The following PPP2R2C variants were observed in gnomAD, a reference collection of about 807,000 sequenced individuals.
PPP2R2C encodes the protein protein phosphatase 2 regulatory subunit Bgamma, also known as protein phosphatase 2, regulatory subunit B, gamma.
PPP2R2C carries 10 observed loss-of-function variants against 45.3 expected under a neutral mutation model. The observed-to-expected ratio is 0.22, with a 90% CI of 0.14 to 0.37. The LOEUF (loss-of-function observed/expected upper bound fraction) is 0.37, where lower values mean the gene tolerates loss of function less well. Among genes scored for constraint, PPP2R2C ranks in the 10% least tolerant of loss-of-function variants. PPP2R2C has a pLI of 1.00. For missense variants in PPP2R2C, 308 were observed against 619.7 expected (o/e 0.50, Z 5.34); for synonymous variants, 257 against 245.4 (o/e 1.05, Z -0.44).
At chr4:6,397,465 G>A (rs919670083) in intron 1 of PPP2R2C, among the ~76,000 whole-genome samples, 1 of 152,184 alleles carries the variant, frequency 6.6e-6, no homozygotes. Flanking sequence ...GAACAGAGGC[G>A]GCCCTGGGGG....
chr4:6,470,884 GC>G (rs1051329751), intron 1 of PPP2R2C, among the ~76,000 whole-genome samples: 1 of 151,802 alleles, frequency 6.6e-6, no homozygotes, highest in African/African-American at 2.4e-5. Context: ...AGCGGGCGCG[GC>G]CCCCGCAGCC....
chr4:6,332,179 C>T lies in PPP2R2C; in HGVS notation c.960+1383G>A, dbSNP rs149957038. Among the ~76,000 whole-genome samples the T allele has an allele frequency of 6.6e-6, 1 of 152,134 alleles. No individual in the cohort carries two copies. Among genetic ancestry groups the T allele is most frequent in the Non-Finnish European group, 1.5e-5 (1 of 68,022 alleles). ...TGACCTCAGGGATGGAGGTAAGTGA[C>T]CGGACAAGGGGCCGGAGGGGGTTGG... is the stretch of plus-strand genomic sequence containing the variant. On this transcript the variant is annotated intron_variant, in intron 7 of 8. Coordinates refer to ENST00000382599, the MANE Select transcript of PPP2R2C (RefSeq NM_020416.4). This position sits in a 1 kb window ranked among gnomAD's most constrained non-coding sequence, Gnocchi z 4.9.
chr4:6,329,394 G>T lies in PPP2R2C; in HGVS notation c.961-41C>A. The T allele has an allele frequency of 6.5e-7, 1 of 1,542,130 alleles. No individual in the cohort carries two copies. Among genetic ancestry groups the T allele is most frequent in the South Asian group, 1.1e-5 (1 of 89,040 alleles). On this transcript the variant is annotated intron_variant, in intron 7 of 8. Transcript: ENST00000382599. The surrounding 1 kb of genome is among the most constrained non-coding windows in gnomAD (Gnocchi z 5.8). ...ATGAGGTGAGTGGACGGGGCGTCCCGACCATCCTGGCCCTTCCACAAGAAG... is the reference window on the plus strand; with the variant it reads ...ATGAGGTGAGTGGACGGGGCGTCCCTACCATCCTGGCCCTTCCACAAGAAG...
In PPP2R2C at chr4:6,520,324, G is replaced by A. The variant is rs574456856; in HGVS notation, c.49+14947C>T. 7.2e-5 allele frequency among the ~76,000 whole-genome samples: 11 copies of A among 152,254 alleles called. No homozygotes were observed. In the South Asian group the frequency reaches 1.2e-3, roughly 17 times the overall value. On this transcript the variant is annotated intron_variant, in intron 2 of 9. Transcript: ENST00000506140. ...TCCTCTGTCAACAGCCAACATTACC[G>A]CAGGGGGTAGCATGGTCTATACCCA...
At chr4:6,387,807 GAAA>G (rs10623195) in intron 1 of PPP2R2C, among the ~76,000 whole-genome samples, 1 of 143,466 alleles carries the variant, frequency 7.0e-6, no homozygotes. Flanking sequence ...CAACAGTGAA[GAAA>G]AAAAAAAAAG....
rs909999322 is a variant in PPP2R2C at position 6,332,942 on chromosome 4, A to G, written c.960+620T>C. The stretch of plus-strand genomic sequence containing the variant: ...CCTAACTGGAACCAGCTTTGAAGCC[A>G]TCCCACATTTCTTTCAAGTCCACAT... On this transcript the variant is annotated intron_variant, in intron 7 of 8. Coordinates refer to ENST00000382599, the MANE Select transcript of PPP2R2C (RefSeq NM_020416.4). The surrounding 1 kb of genome is among the most constrained non-coding windows in gnomAD (Gnocchi z 4.9). Among the ~76,000 whole-genome samples, 1 of 152,188 alleles carries G rather than the reference A, an allele frequency of 6.6e-6. No homozygotes were observed. Among genetic ancestry groups the G allele is most frequent in the Admixed American group, 6.5e-5 (1 of 15,280 alleles).
At chr4:6,376,037 G>C (rs956135937) in intron 3 of PPP2R2C, 106 bp from the exon 4 acceptor site, 3 of 939,004 alleles carry the variant, frequency 3.2e-6, no homozygotes, top group African/African-American at 3.3e-5. Context: ...TGGGGAAGGA[G>C]GGGGTTCTGC....
At position 6,548,598 on chromosome 4, in the gene PPP2R2C, AG is replaced by A. The variant is rs1439489640; in HGVS notation, c.-58-13222del. ...AAAAGGTAGAAGAGCCAGTGTGGGC[AG>A]GTAGAGCTTCCCGACAGCCATGCAA... On this transcript the variant is annotated intron_variant, in intron 1 of 9. Transcript: ENST00000506140. Among the ~76,000 whole-genome samples, 5 of 152,224 alleles carry A rather than the reference AG, an allele frequency of 3.3e-5. No homozygotes were observed. In the East Asian group the frequency reaches 9.6e-4, roughly 29 times the overall value.
intron 2 of PPP2R2C, among the ~76,000 whole-genome samples, chr4:6,481,588 C>G (rs1456695655): frequency 6.6e-6 from 1 of 152,152 alleles, no homozygotes; most frequent in East Asian, 1.9e-4. Flanking sequence ...TCAAGTAGGT[C>G]AAATGGCACA....
At chr4:6,391,759 G>A (rs964840947) in intron 1 of PPP2R2C, among the ~76,000 whole-genome samples, 4 of 152,214 alleles carry the variant, frequency 2.6e-5, no homozygotes, top group Non-Finnish European at 5.9e-5. Flanking sequence ...GGGAAGCCCT[G>A]GGTGGGGCTG....
chr4:6,555,191 C>T (rs1005255661), intron 1 of PPP2R2C, among the ~76,000 whole-genome samples: 1 of 152,058 alleles, frequency 6.6e-6, no homozygotes, highest in Admixed American at 6.6e-5. Flanking sequence ...ACCTCTTGAC[C>T]TAATCACCTC....
chr4:6,334,533 G>A (rs1422669699), intron 6 of PPP2R2C, among the ~76,000 whole-genome samples: 1 of 152,104 alleles, frequency 6.6e-6, no homozygotes, highest in African/African-American at 2.4e-5. Context: ...GTGGGACAAG[G>A]TCTCTAAGCT....
rs764474523 is a variant in PPP2R2C, at chr4:6,332,602, C to T, written c.960+960G>A. Among the ~76,000 whole-genome samples the T allele has an allele frequency of 4.6e-5, 7 of 152,184 alleles. No individual in the cohort carries two copies. Among genetic ancestry groups the T allele is most frequent in the Non-Finnish European group, 8.8e-5 (6 of 68,040 alleles). The stretch of plus-strand genomic sequence containing the variant: ...GGTCTTCGCACGGAGGAAAGGAAAG[C>T]GTAGGGCTCTGAGCCTGGGCTCTGA... On this transcript the variant is annotated intron_variant, in intron 7 of 8. Transcript: ENST00000382599. This position sits in a 1 kb window ranked among gnomAD's most constrained non-coding sequence, Gnocchi z 4.9.
intron 1 of PPP2R2C, among the ~76,000 whole-genome samples, chr4:6,550,154 G>C (rs1357451916): frequency 6.6e-6 from 1 of 152,066 alleles, no homozygotes; most frequent in African/African-American, 2.4e-5. Context: ...GAGTCACTCA[G>C]CCTCTCTGAG....
chr4:6,411,649 C>T (rs1347087127), intron 1 of PPP2R2C, among the ~76,000 whole-genome samples: 4 of 151,152 alleles, frequency 2.6e-5, no homozygotes, highest in Non-Finnish European at 4.4e-5. Flanking sequence ...GCCTCCTGGG[C>T]TCACGCCATT....
chr4:6,497,052 A>G (rs1041600086), intron 2 of PPP2R2C, among the ~76,000 whole-genome samples: 2 of 152,042 alleles, frequency 1.3e-5, no homozygotes, highest in African/African-American at 4.8e-5. Flanking sequence ...GAGAAGTTCC[A>G]TAGGCCTTTA....
At chr4:6,528,066 G>C (rs1222508659) in intron 2 of PPP2R2C, among the ~76,000 whole-genome samples, 1 of 152,274 alleles carries the variant, frequency 6.6e-6, no homozygotes, top group Non-Finnish European at 1.5e-5. Context: ...ATCCACCCCA[G>C]TGGGCCCTTC....
intron 2 of PPP2R2C, among the ~76,000 whole-genome samples, chr4:6,510,633 C>A (rs1049017936): frequency 5.3e-5 from 8 of 152,180 alleles, no homozygotes; most frequent in Non-Finnish European, 8.8e-5. Flanking sequence ...CTCAGCCCAA[C>A]AACGCCCAGC....
At chr4:6,366,166 G>A (rs571732272) in intron 5 of PPP2R2C, among the ~76,000 whole-genome samples, 1 of 152,128 alleles carries the variant, frequency 6.6e-6, no homozygotes, top group Non-Finnish European at 1.5e-5. Context: ...TAGGCACCAG[G>A]CTCTTTATGT....
Sources: allele counts gnomAD v4.1 joint callset (sites outside exome capture counted in the v4.1 genomes callset), GRCh38; gene constraint gnomAD v4.1.1; non-coding constraint Gnocchi (gnomAD v3.1); transcripts MANE v1.5; gene names NCBI Gene and HGNC (gene_info 2026-07-23, HGNC 2026-07-21).